The following ITPR2 variants were observed in gnomAD, a reference collection of about 807,000 sequenced individuals.
ITPR2 encodes the protein inositol 1,4,5-trisphosphate-gated calcium channel ITPR2.
A neutral mutation model predicts 317.1 loss-of-function variants in ITPR2; 207 were observed. The observed-to-expected ratio is 0.65, with a 90% confidence interval of 0.58 to 0.73. ITPR2 has a LOEUF of 0.73. Among genes scored for constraint, ITPR2 ranks in the 30% least tolerant of loss-of-function variants. The pLI is 0.00. For missense variants in ITPR2, 2,613 were observed against 3,284.0 expected (o/e 0.80, Z 4.99); for synonymous variants, 1,156 against 1,149.1 (o/e 1.01, Z -0.12).
intron 55 of ITPR2, among the ~76,000 whole-genome samples, chr12:26,366,402 TTG>T (rs1286491330): frequency 6.6e-6 from 1 of 152,204 alleles, no homozygotes; most frequent in African/African-American, 2.4e-5. Flanking sequence ...TAGCTTCAGA[TTG>T]TGTTTGTATT....
chr12:26,552,773 A>T (rs566046316), intron 36 of ITPR2, among the ~76,000 whole-genome samples: 1 of 152,278 alleles, frequency 6.6e-6, no homozygotes, highest in East Asian at 1.9e-4. Flanking sequence ...GTCTTTAAAT[A>T]TGGGAAAATC....
chr12:26,510,091 GAC>G (rs1313856594), intron 37 of ITPR2, among the ~76,000 whole-genome samples: 13 of 151,466 alleles, frequency 8.6e-5, no homozygotes, highest in Admixed American at 5.3e-4. Context: ...GGGAGGAAGA[GAC>G]ATTCAAAATG....
At chr12:26,671,819 G>GAC (rs887001600) in intron 13 of ITPR2, among the ~76,000 whole-genome samples, 1 of 152,138 alleles carries the variant, frequency 6.6e-6, no homozygotes, top group Admixed American at 6.5e-5. Flanking sequence ...CACGTGCAGA[G>GAC]ACACACATAG....
Position 26,772,693 on chromosome 12 carries a change from G to GGT in ITPR2, c.163+17462_163+17463dup, listed in dbSNP as rs1247591845. ...TGCACATGGTACCGTATGTGCACATGGTGTATATTCGATAAATCTGCTAAA... is the reference window on the plus strand; with the variant it reads ...TGCACATGGTACCGTATGTGCACATGGTGTGTATATTCGATAAATCTGCTAAA... On this transcript the variant is annotated intron_variant, in intron 2 of 56. Coordinates refer to ENST00000381340, the MANE Select transcript of ITPR2 (RefSeq NM_002223.4). Among the ~76,000 whole-genome samples, 10 of 150,292 alleles carry GGT rather than the reference G, an allele frequency of 6.7e-5. No homozygotes were observed. The East Asian group carries it at 1.9e-3, about 29-fold the overall frequency.
At chr12:26,346,623 CA>C (rs35862587) in intron 55 of ITPR2, among the ~76,000 whole-genome samples, 317 of 135,360 alleles carry the variant, frequency 2.3e-3, no homozygotes, top group African/African-American at 3.8e-3. Flanking sequence ...AAGACTTTCT[CA>C]AAAAAAAAAA....
intron 37 of ITPR2, among the ~76,000 whole-genome samples, chr12:26,548,383 T>C (rs930090328): frequency 6.6e-5 from 10 of 151,954 alleles, no homozygotes; most frequent in Non-Finnish European, 8.8e-5. Flanking sequence ...AGAGGACAAA[T>C]GGAGGGCCTG....
In ITPR2 at chr12:26,610,841, G is replaced by A. The variant is rs567810672; in HGVS notation, c.3463-8135C>T. 3.2e-4 allele frequency among the ~76,000 whole-genome samples: 49 copies of A among 152,256 alleles called. 1 individual carries two copies. The South Asian group carries it at 8.7e-3, about 27-fold the overall frequency. On this transcript the variant is annotated intron_variant, in intron 26 of 56. Coordinates refer to ENST00000381340, the MANE Select transcript of ITPR2 (RefSeq NM_002223.4). ...GTGTTCAGGATTATGTCACAGCATC[G>A]CTCAGCATGGATAATGAAGGATAGC... is the stretch of plus-strand genomic sequence containing the variant.
In ITPR2 at chr12:26,725,718, G is replaced by C. The variant is rs1948908197; in HGVS notation, c.211C>G (p.Gln71Glu). The C allele has an allele frequency of 1.2e-6, 2 of 1,613,206 alleles. No individual in the cohort carries two copies. The highest frequency in any genetic ancestry group is 1.7e-6 in the Non-Finnish European group (2 of 1,179,508). Reference protein sequence around the residue: ...CPMNRYSAQKQYWKAKQAKQG... With the variant: ...CPMNRYSAQKEYWKAKQAKQG... ...TTGGCTTGCTTTGCTTTCCAATATTGCTTCTGGGCAGAATATCTGTTCATA... is the reference window on the plus strand; with the variant it reads ...TTGGCTTGCTTTGCTTTCCAATATTCCTTCTGGGCAGAATATCTGTTCATA... Residue 71 changes from glutamine (Q) to glutamate (E), a missense_variant, in exon 3 of 57, where the codon CAA (glutamine) becomes GAA (glutamate). Transcript: ENST00000381340.
intron 34 of ITPR2, among the ~76,000 whole-genome samples, chr12:26,578,497 A>C (rs1945324727): frequency 6.6e-6 from 1 of 152,196 alleles, no homozygotes; most frequent in African/African-American, 2.4e-5. Flanking sequence ...ATATGCAATA[A>C]TATTAAATTT....
chr12:26,716,308 G>C, intron 5 of ITPR2, 66 bp from the exon 6 acceptor site: 3 of 994,450 alleles, frequency 3.0e-6, no homozygotes, highest in Non-Finnish European at 4.7e-6. Flanking sequence ...TTCGAAGCTA[G>C]AAATAACTGC....
In ITPR2 at chr12:26,349,836, A is replaced by G. The variant is rs80261442; in HGVS notation, c.7858-9508T>C. 3.6e-3 allele frequency among the ~76,000 whole-genome samples: 548 copies of G among 152,330 alleles called. 1 individual carries two copies. The highest frequency in any genetic ancestry group is 6.7e-3 in the Non-Finnish European group (455 of 68,034). On this transcript the variant is annotated intron_variant, in intron 55 of 56. Transcript: ENST00000381340. ...CTATTTAATCTAGTCATTGCTCCCA[A>G]TGGCAGAGGGAAAAAGAGTCTCCAT...
Position 26,476,983 on chromosome 12 carries a change from C to A in ITPR2, c.6148G>T (p.Ala2050Ser). Residue 2050 changes from alanine to serine, a missense_variant, in exon 44 of 57, where the codon GCC becomes TCC. Around this residue, in one of 9 missense-constraint regions of ITPR2, gnomAD observed 926 missense variants for 1,072.8 expected, o/e 0.86. Coordinates refer to ENST00000381340, the MANE Select transcript of ITPR2 (RefSeq NM_002223.4). ...LKNNASKLLL[A>S]IMESRHDSEN... ...CTGTCATGTCTGCTTTCCATAATGG[C>A]CAGCAAAAGTTTAGATGCATTGTTC... is the stretch of plus-strand genomic sequence containing the variant. 6.2e-7 allele frequency: 1 copy of A among 1,612,602 alleles called. No homozygotes were observed. The highest frequency in any genetic ancestry group is 1.3e-5 in the African/African-American group (1 of 74,982).
chr12:26,825,396 A>AT (rs1227310461), intron 1 of ITPR2, among the ~76,000 whole-genome samples: 2 of 152,178 alleles, frequency 1.3e-5, no homozygotes, highest in Non-Finnish European at 2.9e-5. Flanking sequence ...TCCACTGTTA[A>AT]TTCTTTTATA....
intron 21 of ITPR2, among the ~76,000 whole-genome samples, chr12:26,646,397 C>T (rs1947115430): frequency 6.6e-6 from 1 of 151,898 alleles, no homozygotes; most frequent in Non-Finnish European, 1.5e-5. Context: ...AACTATGCTG[C>T]CAGAAAAAGC....
intron 37 of ITPR2, among the ~76,000 whole-genome samples, chr12:26,549,701 A>C (rs1944478136): frequency 6.6e-6 from 1 of 152,084 alleles, no homozygotes; most frequent in African/African-American, 2.4e-5. Flanking sequence ...ACTGACAATT[A>C]TTATCTATAG....
chr12:26,485,102 A>T (rs1032559671), intron 41 of ITPR2, among the ~76,000 whole-genome samples: 6 of 151,116 alleles, frequency 4.0e-5, no homozygotes, highest in Non-Finnish European at 8.8e-5. Flanking sequence ...AGAAGAAAAA[A>T]CCTGGGCCCT....
chr12:26,733,234 AAACCAG>A (rs1949055165), intron 2 of ITPR2, among the ~76,000 whole-genome samples: 1 of 151,860 alleles, frequency 6.6e-6, no homozygotes, highest in South Asian at 2.1e-4. Context: ...GAATCGTTTG[AAACCAG>A]GAAGCAGAGG....
At chr12:26,413,377 G>C (rs1565512841) in intron 51 of ITPR2, among the ~76,000 whole-genome samples, 1 of 152,144 alleles carries the variant, frequency 6.6e-6, no homozygotes, top group African/African-American at 2.4e-5. Flanking sequence ...TCGCTACAGA[G>C]TTGCATATTT....
At chr12:26,365,271 T>C (rs897256784) in intron 55 of ITPR2, among the ~76,000 whole-genome samples, 1 of 152,240 alleles carries the variant, frequency 6.6e-6, no homozygotes, top group African/African-American at 2.4e-5. Context: ...TAGTGATTCC[T>C]GAAACCTGGG....
Sources: allele counts gnomAD v4.1 joint callset (sites outside exome capture counted in the v4.1 genomes callset), GRCh38; gene constraint gnomAD v4.1.1; regional missense constraint gnomAD v4.1.1; transcripts MANE v1.5; gene names NCBI Gene and HGNC (gene_info 2026-07-23, HGNC 2026-07-21).